The following MED20 variants were observed in gnomAD, a reference collection of about 807,000 sequenced individuals.
MED20 encodes the protein mediator complex subunit 20.
MED20 carries 19 observed loss-of-function variants against 19.7 expected under a neutral mutation model. The ratio of observed to expected loss-of-function variants is 0.96; its 90% CI spans 0.67 to 1.42. The LOEUF (loss-of-function observed/expected upper bound fraction) is 1.42. Ranked by LOEUF, MED20 falls within the 40% of genes most tolerant of loss-of-function variation. The probability of loss-of-function intolerance (pLI) is 0.00; values close to 1 mark genes in which losing one functional copy is unlikely to be tolerated. For synonymous variants in MED20, 105 were observed against 104.8 expected (o/e 1.00, Z -0.01); for missense variants, 225 against 273.0 (o/e 0.82, Z 1.24).
At chr6:41,909,189 GA>G in intron 3 of MED20, 79 bp downstream of exon 3, 1 of 1,486,968 alleles carries the variant, frequency 6.7e-7, no homozygotes, top group Non-Finnish European at 9.0e-7. Flanking sequence ...AAAAAAAAGA[GA>G]AGAACTGGAA....
intron 2 of MED20, 31 bp from the exon 3 acceptor site, chr6:41,909,553 A>C (rs1288173930): frequency 6.2e-7 from 1 of 1,606,202 alleles, no homozygotes; most frequent in African/African-American, 1.3e-5. Flanking sequence ...ATTCATCATC[A>C]AGACTTTCAC....
chr6:41,915,498 A>AACAC (rs57868395), intron 2 of MED20, among the ~76,000 whole-genome samples: 44,027 of 151,644 alleles, frequency 0.29, 6,854 homozygotes, highest in African/African-American at 0.4. Context: ...ATCTCTTAAA[A>AACAC]ACACACACGC....
At chr6:41,916,741 C>T in intron 2 of MED20, 44 bp downstream of exon 2, 2 of 1,608,588 alleles carry the variant, frequency 1.2e-6, no homozygotes, top group Non-Finnish European at 1.7e-6. Context: ...TGTCTCTTAA[C>T]TCCAAGCCTG....
At chr6:41,913,956 T>C (rs965208252) in intron 2 of MED20, among the ~76,000 whole-genome samples, 1 of 152,222 alleles carries the variant, frequency 6.6e-6, no homozygotes, top group Non-Finnish European at 1.5e-5. Context: ...TTAACTTACT[T>C]AGCACAACAT....
Position 41,916,877 on chromosome 6 carries a change from C to T in MED20, c.77G>A (p.Arg26Gln), listed in dbSNP as rs145617243. 3.7e-6 allele frequency: 6 copies of T among 1,614,070 alleles called. No homozygotes were observed. Among genetic ancestry groups the T allele is most frequent in the East Asian group, 4.5e-5 (2 of 44,878 alleles). The part of the protein sequence containing the change: ...SVQQTVELLT[R>Q]KLEMLGAEKQ... ...CTCTGCCCCAAGCATCTCCAATTTC[C>T]GGGTAAGGAGCTCTACGGTTTGCTG... The change falls in exon 2 of 4, where the codon CGG (arginine) becomes CAG (glutamine). Residue 26 changes from arginine to glutamine, a missense_variant. Arg to Gln is a conservative substitution (Grantham distance 43). Transcript: ENST00000265350.
At chr6:41,912,206 T>C (rs1775211878) in intron 2 of MED20, among the ~76,000 whole-genome samples, 2 of 146,798 alleles carry the variant, frequency 1.4e-5, no homozygotes, top group African/African-American at 5.1e-5. Context: ...CACCTTTTTT[T>C]TTTTTTTTTT....
chr6:41,909,674 C>G (rs895325527), intron 2 of MED20, 152 bp from the exon 3 acceptor site: 7 of 1,171,774 alleles, frequency 6.0e-6, no homozygotes, highest in Non-Finnish European at 7.2e-6. Flanking sequence ...CTCTCACTGA[C>G]AGCCTTTTCT....
chr6:41,917,588 G>C, intron 1 of MED20: 2 of 356,220 alleles, frequency 5.6e-6, no homozygotes, highest in Non-Finnish European at 1.1e-5. Context: ...AAGAACTGGA[G>C]CACAGTTCTC....
intron 2 of MED20, among the ~76,000 whole-genome samples, chr6:41,911,395 C>G (rs1221960614): frequency 6.6e-6 from 1 of 152,024 alleles, no homozygotes; most frequent in Non-Finnish European, 1.5e-5. Flanking sequence ...AGGTGATCTG[C>G]CCGCCTCAGC....
chr6:41,920,854 G>A (rs1341190289), intron 1 of MED20, 151 bp downstream of exon 1: 3 of 950,246 alleles, frequency 3.2e-6, no homozygotes, highest in African/African-American at 1.7e-5. Flanking sequence ...AAACAAGCCC[G>A]GGGAACCCGC....
chr6:41,916,292 T>C (rs1036705820), intron 2 of MED20, among the ~76,000 whole-genome samples: 4 of 146,732 alleles, frequency 2.7e-5, no homozygotes, highest in African/African-American at 1.0e-4. Flanking sequence ...TAAAATAAAA[T>C]AAAGTGGCCG....
In MED20 at chr6:41,921,104, C is replaced by A; in HGVS notation, c.-86G>T. 1 of 1,554,870 alleles carries A rather than the reference C, an allele frequency of 6.4e-7. No individual in the cohort carries two copies. The highest frequency in any genetic ancestry group is 1.1e-5 in the South Asian group (1 of 87,402). ...CACAGAAACTCCTTCAGTTCCCCAA[C>A]ACAACCTTCTGTCTCAGAAGGGACT... is the stretch of plus-strand genomic sequence containing the variant. On this transcript the variant is annotated 5_prime_UTR_variant, in exon 1 of 4. Coordinates refer to ENST00000265350, the MANE Select transcript of MED20 (RefSeq NM_004275.5).
At position 41,907,121 on chromosome 6, in the gene MED20, A is replaced by T; in HGVS notation, c.590T>A (p.Phe197Tyr). The T allele has an allele frequency of 6.2e-7, 1 of 1,613,928 alleles. No individual in the cohort carries two copies. Among genetic ancestry groups the T allele is most frequent in the Non-Finnish European group, 8.5e-7 (1 of 1,179,958 alleles). Reference protein sequence around the residue: ...ADTMVQYMELFNKIRKQQQVP... With the variant: ...ADTMVQYMELYNKIRKQQQVP... ...CTGCTGCTGCTTGCGGATCTTGTTG[A>T]AGAGTTCCATGTACTGGACCATGGT... The change falls in exon 4 of 4, where the codon TTC (phenylalanine) becomes TAC (tyrosine). Residue 197 changes from phenylalanine (F) to tyrosine (Y), a missense_variant. Transcript: ENST00000265350.
chr6:41,909,051 G>T, intron 3 of MED20: 1 of 588,872 alleles, frequency 1.7e-6, no homozygotes, highest in Non-Finnish European at 2.9e-6. Flanking sequence ...TTCGGTGGGT[G>T]TAGTCCCAGG....
At chr6:41,907,433 C>T in intron 3 of MED20, 146 bp from the exon 4 acceptor site, 1 of 733,456 alleles carries the variant, frequency 1.4e-6, no homozygotes, top group South Asian at 1.9e-5. Context: ...CCACAGGAAA[C>T]ATTCAACCTA....
chr6:41,913,635 C>G (rs1470368735), intron 2 of MED20, among the ~76,000 whole-genome samples: 1 of 152,214 alleles, frequency 6.6e-6, no homozygotes, highest in South Asian at 2.1e-4. Flanking sequence ...TGCAGTGGCT[C>G]ATGCCTGTAA....
At chr6:41,919,273 C>T (rs548742429) in intron 1 of MED20, among the ~76,000 whole-genome samples, 1 of 152,156 alleles carries the variant, frequency 6.6e-6, no homozygotes, top group East Asian at 1.9e-4. Flanking sequence ...CTCTTAACCA[C>T]TAACTAGACT....
intron 1 of MED20, among the ~76,000 whole-genome samples, chr6:41,919,019 C>T (rs1157214619): frequency 6.7e-6 from 1 of 148,758 alleles, no homozygotes; most frequent in Non-Finnish European, 1.5e-5. Flanking sequence ...GTCCCAGCTA[C>T]TCGGGAGGCT....
chr6:41,912,604 G>A (rs913488484), intron 2 of MED20, among the ~76,000 whole-genome samples: 7 of 151,780 alleles, frequency 4.6e-5, no homozygotes, highest in African/African-American at 7.3e-5. Flanking sequence ...TGATCTGCCC[G>A]CCTCGGCCTC....
Sources: allele counts gnomAD v4.1 joint callset (sites outside exome capture counted in the v4.1 genomes callset), GRCh38; gene constraint gnomAD v4.1.1; transcripts MANE v1.5; gene names NCBI Gene and HGNC (gene_info 2026-07-23, HGNC 2026-07-21).